Variants in MID1 observed in about 807,000 individuals in gnomAD.
MID1 encodes E3 ubiquitin-protein ligase Midline-1.
MID1 carries 7 observed loss-of-function variants against 40.4 expected under a neutral mutation model. The observed-to-expected ratio is 0.17, with a 90% CI of 0.10 to 0.33. The LOEUF (loss-of-function observed/expected upper bound fraction) is 0.33. Among genes scored for constraint, MID1 ranks in the 10% least tolerant of loss-of-function variants. MID1 has a pLI of 1.00. For missense variants in MID1, 367 were observed against 558.5 expected (o/e 0.66, Z 3.46); for synonymous variants, 229 against 221.2 (o/e 1.04, Z -0.31).
At chrX:10,693,660 A>G (rs909592082) in intron 1 of MID1, among the ~76,000 whole-genome samples, 42 of 111,678 alleles carry the variant, frequency 3.8e-4, no homozygotes, top group African/African-American at 1.3e-3. Context: ...AGACATGTTG[A>G]TATTTAAAAT....
intron 1 of MID1, among the ~76,000 whole-genome samples, chrX:10,577,508 T>C (rs1423068147): frequency 9.0e-6 from 1 of 111,624 alleles, no homozygotes; most frequent in Non-Finnish European, 1.9e-5. Flanking sequence ...AGAACAGTCA[T>C]TTATTTCTTC....
intron 1 of MID1, among the ~76,000 whole-genome samples, chrX:10,756,727 G>T (rs1014724036): frequency 7.1e-5 from 8 of 112,194 alleles, no homozygotes; most frequent in African/African-American, 2.6e-4. Flanking sequence ...AAAACATACA[G>T]GTTTTGCAGA....
intron 2 of MID1, among the ~76,000 whole-genome samples, chrX:10,523,462 T>G (rs772441159): frequency 1.1e-4 from 12 of 112,195 alleles, no homozygotes; most frequent in Non-Finnish European, 1.7e-4. Context: ...AGGTTATCTC[T>G]AGGTCACGAC....
chrX:10,754,670 GGT>G (rs1452230012), intron 1 of MID1, among the ~76,000 whole-genome samples: 1 of 110,835 alleles, frequency 9.0e-6, no homozygotes, highest in Non-Finnish European at 1.9e-5. Flanking sequence ...ACTGTATGAT[GGT>G]GATGCGATTA....
At chrX:10,691,641 A>T (rs2147076474) in intron 1 of MID1, among the ~76,000 whole-genome samples, 1 of 111,880 alleles carries the variant, frequency 8.9e-6, no homozygotes, top group African/African-American at 3.2e-5. Flanking sequence ...GTACAAATTG[A>T]TTGTAAAATA....
chrX:10,579,572 C>T (rs1934956603), intron 1 of MID1, among the ~76,000 whole-genome samples: 1 of 111,586 alleles, frequency 9.0e-6, no homozygotes. Context: ...GAAATTCTCT[C>T]AAATATGATG....
rs1020960749 is a variant in MID1, at chrX:10,749,186, G to A, written c.-187+84368C>T. 2.7e-5 allele frequency among the ~76,000 whole-genome samples: 3 copies of A among 110,729 alleles called. No individual in the cohort carries two copies. The Admixed American group carries it at 2.9e-4, about 11-fold the overall frequency. ...ATTTGACAAGACCTAAAAGAGTTTT[G>A]TTTCCAAGACACTCATAAACTGCAG... is the stretch of plus-strand genomic sequence containing the variant. On this transcript the variant is annotated intron_variant, in intron 1 of 10. Coordinates refer to the MID1 transcript ENST00000380785.
chrX:10,604,254 T>C, intron 1 of MID1, among the ~76,000 whole-genome samples: 1 of 111,710 alleles, frequency 9.0e-6, no homozygotes, highest in South Asian at 3.7e-4. Flanking sequence ...CATAAATAAT[T>C]AGTCTTTAAA....
chrX:10,606,904 T>C (rs1022057012), intron 1 of MID1, among the ~76,000 whole-genome samples: 2 of 110,669 alleles, frequency 1.8e-5, no homozygotes, highest in African/African-American at 3.3e-5. Flanking sequence ...GCTAATTTTT[T>C]ATTTGTTTTG....
chrX:10,586,350 A>G (rs1392506703), intron 1 of MID1, among the ~76,000 whole-genome samples: 4 of 111,528 alleles, frequency 3.6e-5, no homozygotes, highest in African/African-American at 9.8e-5. Context: ...TGACTGAAGC[A>G]GGGCTTGTCG....
At position 10,523,254 on chromosome X, in the gene MID1, A is replaced by G. The variant is rs373684296; in HGVS notation, c.661-67T>C. The G allele has an allele frequency of 1.9e-3, 1,457 of 775,800 alleles. 17 individuals carry two copies. In the South Asian group the frequency reaches 0.032, roughly 17 times the overall value. The allele number at this position is 775,800 out of a possible 1,213,427, so 63.9% of individuals were successfully genotyped here. ...CATACTTTTATACTTCAGATACACA[A>G]AATTACTCATTCTCAGGAAAAACTG... On this transcript the variant is annotated intron_variant, in intron 2 of 9. Transcript: ENST00000317552.
intron 1 of MID1, among the ~76,000 whole-genome samples, chrX:10,662,030 TGTG>T (rs2042917207): frequency 8.9e-6 from 1 of 111,879 alleles, no homozygotes; most frequent in East Asian, 2.8e-4. Context: ...TTTGGCTCGG[TGTG>T]GTGGCTCACG....
chrX:10,747,017 T>C (rs1167014098), intron 1 of MID1, among the ~76,000 whole-genome samples: 2 of 111,078 alleles, frequency 1.8e-5, no homozygotes, highest in Non-Finnish European at 3.8e-5. Context: ...TGAGAGGTGA[T>C]GGAAAGAAGA....
intron 1 of MID1, among the ~76,000 whole-genome samples, chrX:10,831,579 T>C (rs2044253064): frequency 9.0e-6 from 1 of 111,625 alleles, no homozygotes; most frequent in African/African-American, 3.3e-5. Flanking sequence ...ACTTTAATCT[T>C]TAAGAAGGAA....
At chrX:10,731,779 C>T (rs1032719827) in intron 1 of MID1, among the ~76,000 whole-genome samples, 1 of 108,687 alleles carries the variant, frequency 9.2e-6, no homozygotes, top group East Asian at 2.9e-4. Context: ...GCCAACATGG[C>T]GAAAACACCG....
chrX:10,623,260 AAAAT>A (rs1935957363), upstream of MID1, among the ~76,000 whole-genome samples: 1 of 104,936 alleles, frequency 9.5e-6, no homozygotes, highest in Admixed American at 1.0e-4. Context: ...AAAAGAAAAA[AAAAT>A]AAAGAAAGGA....
chrX:10,614,300 C>G (rs1335078208), intron 1 of MID1, among the ~76,000 whole-genome samples: 1 of 111,935 alleles, frequency 8.9e-6, no homozygotes, highest in Non-Finnish European at 1.9e-5. Flanking sequence ...GGGCCTGTGG[C>G]TCCCTGGCTG....
intron 1 of MID1, among the ~76,000 whole-genome samples, chrX:10,764,239 C>A (rs1203489652): frequency 3.6e-5 from 4 of 111,454 alleles, no homozygotes; most frequent in African/African-American, 1.3e-4. Flanking sequence ...GAAGTCCTTG[C>A]CCATGCCTAT....
chrX:10,630,431 G>T (rs758431880), intron 1 of MID1, among the ~76,000 whole-genome samples: 5 of 110,896 alleles, frequency 4.5e-5, no homozygotes, highest in Non-Finnish European at 9.4e-5. Context: ...AGGCCAGGGT[G>T]AACTCAACCA....
Sources: allele counts gnomAD v4.1 joint callset (sites outside exome capture counted in the v4.1 genomes callset), GRCh38; gene constraint gnomAD v4.1.1; transcripts MANE v1.5; gene names NCBI Gene and HGNC (gene_info 2026-07-23, HGNC 2026-07-21).